TBC1D5: variants seen among roughly 807,000 people sequenced by gnomAD.
TBC1D5 encodes TBC1 domain family, member 5.
Under a neutral mutation model 100.3 loss-of-function variants are expected in TBC1D5, and 75 were observed. The observed-to-expected ratio is 0.75, with a 90% confidence interval of 0.62 to 0.91. TBC1D5 has a LOEUF of 0.91. Among genes scored for constraint, TBC1D5 ranks in the 40% least tolerant of loss-of-function variants. The pLI is 0.00. For missense variants in TBC1D5, 910 were observed against 942.4 expected, an observed-to-expected ratio of 0.97 and a Z score of 0.45; for synonymous variants, 323 against 325.6, an observed-to-expected ratio of 0.99 and a Z score of 0.09.
chr3:17,493,657 G>A (rs1219953019), intron 3 of TBC1D5, among the ~76,000 whole-genome samples: 1 of 152,074 alleles, frequency 6.6e-6, no homozygotes, highest in African/African-American at 2.4e-5. Flanking sequence ...TTGTCTGCAT[G>A]CCTTCTTTCA....
chr3:17,397,177 C>A (rs1370957987), intron 8 of TBC1D5, among the ~76,000 whole-genome samples: 1 of 152,004 alleles, frequency 6.6e-6, no homozygotes, highest in African/African-American at 2.4e-5. Flanking sequence ...CTACCTGCTC[C>A]TTTTCTCTTG....
chr3:17,374,534 C>T (rs777803006), exon 12 of TBC1D5: 33 of 1,611,648 alleles, frequency 2.0e-5, no homozygotes, highest in Non-Finnish European at 2.7e-5. Flanking sequence ...GTTGTGAGAA[C>T]ACTGCACTAA....
intron 1 of TBC1D5, among the ~76,000 whole-genome samples, chr3:17,664,675 TCAAAA>T (rs1174675483): frequency 6.6e-6 from 1 of 151,858 alleles, no homozygotes; most frequent in Non-Finnish European, 1.5e-5. Context: ...AAGACACCAC[TCAAAA>T]CAAAGCAAAC....
At chr3:17,629,201 T>C (rs2063301883) in intron 1 of TBC1D5, among the ~76,000 whole-genome samples, 1 of 152,214 alleles carries the variant, frequency 6.6e-6, no homozygotes, top group Non-Finnish European at 1.5e-5. Flanking sequence ...ACAAATTATA[T>C]TCTGTGCTTT....
intron 13 of TBC1D5, among the ~76,000 whole-genome samples, chr3:17,355,707 G>GTT (rs1399001143): frequency 6.7e-6 from 1 of 149,314 alleles, no homozygotes; most frequent in Non-Finnish European, 1.5e-5. Flanking sequence ...CCATGGTAGC[G>GTT]TTTTTTTTTG....
At chr3:17,171,864 C>A (rs924818954) in intron 19 of TBC1D5, among the ~76,000 whole-genome samples, 6 of 152,132 alleles carry the variant, frequency 3.9e-5, no homozygotes, top group African/African-American at 1.4e-4. Flanking sequence ...AAAGACAATG[C>A]AACCTACTAA....
At chr3:17,283,211 C>G (rs189365783) in intron 15 of TBC1D5, among the ~76,000 whole-genome samples, 1 of 152,304 alleles carries the variant, frequency 6.6e-6, no homozygotes, top group East Asian at 1.9e-4. Flanking sequence ...TAAAATAGAC[C>G]CCAAAGGGTC....
At chr3:17,373,432 A>G (rs1277608801) in intron 12 of TBC1D5, among the ~76,000 whole-genome samples, 1 of 152,184 alleles carries the variant, frequency 6.6e-6, no homozygotes, top group Non-Finnish European at 1.5e-5. Context: ...AATATTGTGT[A>G]ATATAATGAG....
At chr3:17,593,825 C>G (rs980485850) in intron 2 of TBC1D5, among the ~76,000 whole-genome samples, 1 of 152,200 alleles carries the variant, frequency 6.6e-6, no homozygotes, top group African/African-American at 2.4e-5. Context: ...ACAACGCCAA[C>G]TAGGTGACAA....
At chr3:17,342,824 A>G (rs2089221692) in intron 13 of TBC1D5, among the ~76,000 whole-genome samples, 1 of 152,224 alleles carries the variant, frequency 6.6e-6, no homozygotes, top group Non-Finnish European at 1.5e-5. Flanking sequence ...TTCTATGTCA[A>G]CAAATATTAA....
At chr3:17,649,357 G>C (rs1315746532) in intron 1 of TBC1D5, among the ~76,000 whole-genome samples, 1 of 151,982 alleles carries the variant, frequency 6.6e-6, no homozygotes, top group Admixed American at 6.6e-5. Context: ...AGCAGAAAAG[G>C]TAATTATTGG....
chr3:17,668,382 C>T (rs1332610047), intron 1 of TBC1D5, among the ~76,000 whole-genome samples: 3 of 151,822 alleles, frequency 2.0e-5, no homozygotes, highest in Admixed American at 6.6e-5. Context: ...TGATTTTATA[C>T]TCTGTGCTAT....
intron 2 of TBC1D5, among the ~76,000 whole-genome samples, chr3:17,547,452 A>T (rs866607797): frequency 3.9e-5 from 6 of 152,210 alleles, no homozygotes; most frequent in African/African-American, 1.4e-4. Context: ...CTCAGAGAAT[A>T]ACTAGCAATG....
intron 3 of TBC1D5, among the ~76,000 whole-genome samples, chr3:17,507,396 C>A (rs1007006807): frequency 1.5e-4 from 23 of 152,016 alleles, no homozygotes; most frequent in Non-Finnish European, 8.8e-5. Flanking sequence ...TGGACAAATT[C>A]TCTCCCATTT....
chr3:17,536,058 G>A (rs1329521345), intron 2 of TBC1D5, among the ~76,000 whole-genome samples: 1 of 152,060 alleles, frequency 6.6e-6, no homozygotes, highest in Admixed American at 6.6e-5. Flanking sequence ...ATTTACTGCA[G>A]ATTAGGAGAC....
chr3:17,539,664 C>T (rs576221434), intron 2 of TBC1D5, among the ~76,000 whole-genome samples: 1 of 152,120 alleles, frequency 6.6e-6, no homozygotes, highest in Admixed American at 6.5e-5. Flanking sequence ...CTGATCACCC[C>T]CTCCCCATCA....
intron 16 of TBC1D5, among the ~76,000 whole-genome samples, chr3:17,254,514 T>C (rs1181302299): frequency 6.6e-6 from 1 of 152,188 alleles, no homozygotes; most frequent in Non-Finnish European, 1.5e-5. Context: ...TATCTTCTTT[T>C]GTGAAGAGGC....
intron 15 of TBC1D5, among the ~76,000 whole-genome samples, chr3:17,271,777 T>C (rs139898381): frequency 3.9e-5 from 6 of 152,328 alleles, no homozygotes; most frequent in African/African-American, 1.4e-4. Flanking sequence ...GGTATGTTCC[T>C]TCAATGCCTA....
intron 1 of TBC1D5, among the ~76,000 whole-genome samples, chr3:17,693,512 C>T (rs1025502382): frequency 3.9e-5 from 6 of 152,330 alleles, no homozygotes; most frequent in African/African-American, 7.2e-5. Context: ...AACCACGAGG[C>T]GGCAGCCTGG....
Sources: gnomAD v4.1 joint callset for allele counts (sites outside exome capture counted in the v4.1 genomes callset) on GRCh38, gnomAD v4.1.1 for gene constraint, MANE v1.5 for transcripts, NCBI Gene and HGNC (gene_info 2026-07-23, HGNC 2026-07-21) for gene names.